The following TRAM2 variants were observed in gnomAD, a reference collection of about 807,000 sequenced individuals.
TRAM2 encodes translocation associated membrane protein 2, also known as translocating chain-associated membrane protein 2.
Under a neutral mutation model 51.0 loss-of-function variants are expected in TRAM2, and 12 were observed. The observed-to-expected ratio is 0.24, with a 90% CI of 0.15 to 0.38. TRAM2 has a LOEUF of 0.38. Ranked by LOEUF, TRAM2 falls within the 10% of genes least tolerant of loss-of-function variation. The pLI is 1.00. For missense variants in TRAM2, 361 were observed against 462.0 expected, an observed-to-expected ratio of 0.78 and a Z score of 2.00; for synonymous variants, 175 against 179.4, an observed-to-expected ratio of 0.98 and a Z score of 0.20.
At chr6:52,552,404 G>A (rs1244491755) in intron 1 of TRAM2, among the ~76,000 whole-genome samples, 1 of 152,244 alleles carries the variant, frequency 6.6e-6, no homozygotes, top group African/African-American at 2.4e-5. Context: ...CATGCAAATA[G>A]GTAAAGCTCA....
At chr6:52,554,766 C>CTTTTTT (rs549322729) in intron 1 of TRAM2, among the ~76,000 whole-genome samples, 1 of 133,404 alleles carries the variant, frequency 7.5e-6, no homozygotes, top group African/African-American at 2.8e-5. Flanking sequence ...AGAGTCAATC[C>CTTTTTT]TTTTTTTTTT....
chr6:52,512,519 C>T (rs777708450), intron 4 of TRAM2, among the ~76,000 whole-genome samples: 9 of 152,184 alleles, frequency 5.9e-5, no homozygotes, highest in South Asian at 2.1e-4. Context: ...AGCTCAGGCA[C>T]GCAAAGCACC....
chr6:52,504,476 G>A, intron 10 of TRAM2, 115 bp downstream of exon 10: 2 of 1,513,430 alleles, frequency 1.3e-6, no homozygotes, highest in South Asian at 2.6e-5. Flanking sequence ...TCAGGAAGGA[G>A]AAGCTGGCAG....
rs1766181417 is a variant in TRAM2, at chr6:52,500,172, T to C, written c.*3025A>G. ...CGTCTTTTCTCCTGCTCTTGGTGCA[T>C]GGTGCTGAGCTCTCAAGCTTGGAGG... On this transcript the variant is annotated 3_prime_UTR_variant, in exon 11 of 11. Coordinates refer to ENST00000182527, the MANE Select transcript of TRAM2 (RefSeq NM_012288.4). 1.3e-5 allele frequency: 2 copies of C among 152,264 alleles called. No homozygotes were observed. The highest frequency in any genetic ancestry group is 2.9e-5 in the Non-Finnish European group (2 of 68,108). The allele number at this position is 152,264 out of a possible 1,614,324, so 9.4% of individuals were successfully genotyped here.
chr6:52,536,075 G>T (rs1766973308), intron 1 of TRAM2, among the ~76,000 whole-genome samples: 2 of 152,204 alleles, frequency 1.3e-5, no homozygotes, highest in South Asian at 4.1e-4. Flanking sequence ...ACTCACTGCA[G>T]ATGAGATGAA....
In TRAM2 at chr6:52,577,034, C is replaced by A; in HGVS notation, c.-119G>T. ...CCCGCCGCCCGCTCTCCCACAGCCG[C>A]TCGCCCGCCCAGCGCGGAACAACTT... On this transcript the variant is annotated 5_prime_UTR_variant, in exon 1 of 11. Transcript: ENST00000182527. 8.4e-7 allele frequency: 1 copy of A among 1,185,962 alleles called. No individual in the cohort carries two copies. Among genetic ancestry groups the A allele is most frequent in the Non-Finnish European group, 1.1e-6 (1 of 942,584 alleles). The allele number at this position is 1,185,962 out of a possible 1,614,324, so 73.5% of individuals were successfully genotyped here.
chr6:52,566,408 C>T (rs1008255372), intron 1 of TRAM2, among the ~76,000 whole-genome samples: 2 of 152,110 alleles, frequency 1.3e-5, no homozygotes, highest in Non-Finnish European at 2.9e-5. Flanking sequence ...GGGGTTGAGA[C>T]TGAAATTTCC....
intron 1 of TRAM2, among the ~76,000 whole-genome samples, chr6:52,572,451 A>C (rs111851594): frequency 0.017 from 2,533 of 152,282 alleles, 88 homozygotes; most frequent in African/African-American, 0.057. Context: ...TAAAAATACA[A>C]AAATTAGCAG....
In TRAM2 at chr6:52,506,267, G is replaced by A. The variant is rs190349960; in HGVS notation, c.627-131C>T. 8.0e-5 allele frequency: 62 copies of A among 774,516 alleles called. No homozygotes were observed. The East Asian group carries it at 1.5e-3, about 19-fold the overall frequency. The allele number at this position is 774,516 out of a possible 1,614,324, so 48.0% of individuals were successfully genotyped here. ...TTTCCACTCCCACTTTCCCTGGCTG[G>A]CTCTGCTCCATCCTTTGGATTCAGT... On this transcript the variant is annotated intron_variant, in intron 7 of 10. Transcript: ENST00000182527.
In TRAM2 at chr6:52,517,164, T is replaced by C. The variant is rs77712051; in HGVS notation, c.185-427A>G. The stretch of plus-strand genomic sequence containing the variant: ...TATGCTTTCTCAAGAAAGCACCGCG[T>C]AAGGGCTAAATGTGGACTCAGAAGC... On this transcript the variant is annotated intron_variant, in intron 2 of 10. Coordinates refer to ENST00000182527, the MANE Select transcript of TRAM2 (RefSeq NM_012288.4). 596 of 166,972 alleles carry C rather than the reference T, an allele frequency of 3.6e-3. 5 individuals carry two copies. Among genetic ancestry groups the C allele is most frequent in the South Asian group, 0.02 (125 of 6,204 alleles). 10.3% of individuals were successfully genotyped at this position (166,972 alleles called of 1,614,324 possible). A position where few individuals can be genotyped will look rare whatever the true frequency, so the allele number is the denominator to read the frequency against.
At chr6:52,541,913 G>T (rs1424314114) in intron 1 of TRAM2, among the ~76,000 whole-genome samples, 2 of 151,314 alleles carry the variant, frequency 1.3e-5, no homozygotes, top group African/African-American at 4.9e-5. Flanking sequence ...TTTTACAGGA[G>T]CAGCTCTGCT....
intron 1 of TRAM2, among the ~76,000 whole-genome samples, chr6:52,565,049 G>T (rs1767566360): frequency 6.6e-6 from 1 of 152,158 alleles, no homozygotes; most frequent in South Asian, 2.1e-4. Flanking sequence ...GGGCAGGGAC[G>T]AGGCCTGAGG....
At position 52,506,039 on chromosome 6, in the gene TRAM2, CGTT is replaced by C. The variant is rs758085893; in HGVS notation, c.721_723del (p.Asn241del). On this transcript the variant is annotated inframe_deletion, in exon 8 of 11. Transcript: ENST00000182527. ...TGCAGCAGACCCACTTACAGTTTCT[CGTT>C]GTTTTCATCTGCAAAGTAGAAGAGT... 2.9e-4 allele frequency: 469 copies of C among 1,614,118 alleles called. No homozygotes were observed. Among genetic ancestry groups the C allele is most frequent in the Non-Finnish European group, 3.6e-4 (423 of 1,180,008 alleles).
intron 1 of TRAM2, among the ~76,000 whole-genome samples, chr6:52,571,621 G>C (rs756245181): frequency 2.0e-5 from 3 of 152,224 alleles, no homozygotes; most frequent in Non-Finnish European, 4.4e-5. Flanking sequence ...AGATGTCAAA[G>C]AGAAAACAGG....
At chr6:52,560,028 G>A (rs1767471803) in intron 1 of TRAM2, among the ~76,000 whole-genome samples, 1 of 152,114 alleles carries the variant, frequency 6.6e-6, no homozygotes, top group Admixed American at 6.5e-5. Context: ...ATCACCTGAG[G>A]TCAGGAGTTC....
Position 52,503,128 on chromosome 6 carries a change from A to G in TRAM2, c.*69T>C. 7.6e-7 allele frequency: 1 copy of G among 1,310,826 alleles called. No homozygotes were observed. Among genetic ancestry groups the G allele is most frequent in the South Asian group, 1.2e-5 (1 of 85,026 alleles). 81.2% of individuals were successfully genotyped at this position (1,310,826 alleles called of 1,614,324 possible). ...CACAGGCAGGAAGGAGGAGGCAGGG[A>G]GGGGGCCTGGGCTCCTTGCCCCCTG... On this transcript the variant is annotated 3_prime_UTR_variant, in exon 11 of 11. Coordinates refer to ENST00000182527, the MANE Select transcript of TRAM2 (RefSeq NM_012288.4).
chr6:52,554,340 C>T (rs1355086751), intron 1 of TRAM2, among the ~76,000 whole-genome samples: 2 of 152,012 alleles, frequency 1.3e-5, no homozygotes, highest in Non-Finnish European at 2.9e-5. Context: ...GCCTGGCCAA[C>T]ATGGTGAAAA....
intron 2 of TRAM2, among the ~76,000 whole-genome samples, chr6:52,529,123 C>T (rs1302063290): frequency 6.6e-6 from 1 of 152,100 alleles, no homozygotes; most frequent in African/African-American, 2.4e-5. Flanking sequence ...GATCTCCTGA[C>T]CTCTTGATCC....
intron 1 of TRAM2, among the ~76,000 whole-genome samples, chr6:52,572,934 A>C (rs1767704322): frequency 6.6e-6 from 1 of 152,194 alleles, no homozygotes; most frequent in Non-Finnish European, 1.5e-5. Context: ...ACAATCAAAA[A>C]GCAAAAACCA....
Sources: allele counts gnomAD v4.1 joint callset (sites outside exome capture counted in the v4.1 genomes callset), GRCh38; gene constraint gnomAD v4.1.1; transcripts MANE v1.5; gene names NCBI Gene and HGNC (gene_info 2026-07-23, HGNC 2026-07-21).